TRPM1: variants seen among roughly 807,000 people sequenced by gnomAD.
The protein encoded by TRPM1 is TRPM1-203 APA Isoform, Intron 10.
TRPM1 carries 113 observed loss-of-function variants against 149.4 expected under a neutral mutation model. That is an observed-to-expected ratio of 0.76 (90% CI 0.65 to 0.88). The LOEUF (loss-of-function observed/expected upper bound fraction) is 0.88. TRPM1 is among the 40% of genes least tolerant of loss of function. The pLI, the probability that TRPM1 is intolerant of heterozygous loss-of-function variation, is 0.00. For synonymous variants in TRPM1, 741 were observed against 759.5 expected (o/e 0.98, Z 0.40); for missense variants, 1,976 against 2,038.7 (o/e 0.97, Z 0.59).
intron 1 of TRPM1, among the ~76,000 whole-genome samples, chr15:31,113,109 CT>C (rs2035717700): frequency 6.6e-6 from 1 of 152,138 alleles, no homozygotes; most frequent in South Asian, 2.1e-4. Flanking sequence ...GCTGTCTTGG[CT>C]TTAGGTAGCT....
rs778295878 is a variant in TRPM1 at position 31,068,035 on chromosome 15, C to T, written c.337G>A (p.Asp113Asn). The stretch of plus-strand genomic sequence containing the variant: ...AGCTTGGGGAGTTCCAGCTGCCAAT[C>T]TTTCACCATGAGATGGAGCAGTGAG... ...PDSLLHLMVK[D>N]WQLELPKLLI... The change falls in exon 5 of 28, where the codon GAT becomes AAT. Residue 113 changes from aspartate to asparagine, a missense_variant. Physicochemically the swap from Asp to Asn is conservative, Grantham distance 23. This residue lies in a region of TRPM1 where 1,332 missense variants were observed against 1,347.1 expected (regional missense o/e 0.99). Transcript: ENST00000256552. 6.2e-7 allele frequency: 1 copy of T among 1,614,088 alleles called. No individual in the cohort carries two copies. Among genetic ancestry groups the T allele is most frequent in the African/African-American group, 1.3e-5 (1 of 74,928 alleles).
chr15:31,071,963 C>CAAAAA (rs71790815), intron 3 of TRPM1, among the ~76,000 whole-genome samples: 1 of 30,328 alleles, frequency 3.3e-5, no homozygotes, highest in Non-Finnish European at 5.2e-5. Context: ...GACTCCGTCT[C>CAAAAA]AAAAAAAAAA....
In TRPM1 at chr15:31,050,416, A is replaced by G. The variant is rs1269713457; in HGVS notation, c.1430T>C (p.Leu477Pro). 1.2e-6 allele frequency: 2 copies of G among 1,614,006 alleles called. No individual in the cohort carries two copies. The highest frequency in any genetic ancestry group is 1.7e-5 in the Admixed American group (1 of 60,000). Residue 477 changes from leucine (L) to proline (P), a missense_variant, in exon 12 of 28, where the codon CTG becomes CCG. By Grantham distance (98) the Leu-to-Pro change is moderately conservative. This residue lies in a region of TRPM1 where 1,332 missense variants were observed against 1,347.1 expected (regional missense o/e 0.99). Transcript: ENST00000256552. Reference protein sequence around the residue: ...EETDPRKIELLNWVNALEQAM... With the variant: ...EETDPRKIELPNWVNALEQAM... ...CTGTGACCTTCCACATACCCAGTTCAGCAGCTCTATCTTCCGGGGGTCAGT... is the reference window on the plus strand; with the variant it reads ...CTGTGACCTTCCACATACCCAGTTCGGCAGCTCTATCTTCCGGGGGTCAGT...
intron 1 of TRPM1, among the ~76,000 whole-genome samples, chr15:31,150,500 G>A (rs1005137721): frequency 6.2e-5 from 9 of 145,542 alleles, no homozygotes; most frequent in East Asian, 2.0e-4. Context: ...GCAGTAGTGC[G>A]ATCTCAGCTC....
Position 31,040,027 on chromosome 15 carries a change from T to C in TRPM1, c.2316+91A>G. 1 of 1,151,790 alleles carries C rather than the reference T, an allele frequency of 8.7e-7. No individual in the cohort carries two copies. Among genetic ancestry groups the C allele is most frequent in the Non-Finnish European group, 1.3e-6 (1 of 770,874 alleles). The allele number at this position is 1,151,790 out of a possible 1,614,324, so 71.3% of individuals were successfully genotyped here. A position where few individuals can be genotyped will look rare whatever the true frequency, so the allele number is the denominator to read the frequency against. On this transcript the variant is annotated intron_variant, in intron 18 of 27. Transcript: ENST00000256552. The surrounding 1 kb of genome is among the most constrained non-coding windows in gnomAD (Gnocchi z 4.2). ...TCAGGGGGTTGCTAGAAGGAATAAA[T>C]GAAATAAGCCACAGAAAGTGCTCAG... is the stretch of plus-strand genomic sequence containing the variant.
intron 11 of TRPM1, among the ~76,000 whole-genome samples, chr15:31,058,452 C>T (rs2034142455): frequency 1.3e-5 from 2 of 152,188 alleles, no homozygotes; most frequent in South Asian, 4.1e-4. Context: ...CTTTGCGGTT[C>T]AGCAGTGAAC....
chr15:31,089,330 T>A (rs1005505843), intron 1 of TRPM1, among the ~76,000 whole-genome samples: 2 of 152,046 alleles, frequency 1.3e-5, no homozygotes, highest in Admixed American at 6.5e-5. Context: ...GGTTGTTAAC[T>A]TTTCCCACTT....
chr15:31,113,739 G>C (rs564147744), intron 1 of TRPM1, among the ~76,000 whole-genome samples: 4 of 152,178 alleles, frequency 2.6e-5, no homozygotes, highest in African/African-American at 7.2e-5. Flanking sequence ...CCGCCTTTAA[G>C]AATGAAGCAT....
intron 1 of TRPM1, among the ~76,000 whole-genome samples, chr15:31,093,595 GT>G (rs373482536): frequency 0.15 from 21,871 of 146,952 alleles, 1,853 homozygotes; most frequent in African/African-American, 0.24. Flanking sequence ...GAGCAATCTG[GT>G]TTTTTTTTTT....
At chr15:31,145,393 A>G (rs1291807715) in intron 1 of TRPM1, among the ~76,000 whole-genome samples, 1 of 152,192 alleles carries the variant, frequency 6.6e-6, no homozygotes, top group Non-Finnish European at 1.5e-5. Context: ...TTCACTTGGC[A>G]GGATAATGCT....
intron 1 of TRPM1, among the ~76,000 whole-genome samples, chr15:31,127,241 G>A (rs2035962711): frequency 6.6e-6 from 1 of 152,178 alleles, no homozygotes; most frequent in Admixed American, 6.5e-5. Flanking sequence ...AGGATGCCCA[G>A]TCAGTTTGTG....
chr15:31,097,417 T>A lies in TRPM1; in HGVS notation c.-84+4240A>T, dbSNP rs1370296643. On this transcript the variant is annotated intron_variant, in intron 1 of 27. Transcript: ENST00000256552. ...GCTTGGCTGAGTACTGGCTTGCCTC[T>A]CAGAGCAAAGGGTGCATGCCTGTCT... 3.3e-5 allele frequency among the ~76,000 whole-genome samples: 5 copies of A among 152,178 alleles called. No individual in the cohort carries two copies. The East Asian group carries it at 9.6e-4, about 29-fold the overall frequency.
At position 31,062,691 on chromosome 15, in the gene TRPM1, T is replaced by A; in HGVS notation, c.977A>T (p.Glu326Val). ...AACTAGAAGCTGCTCCCTGAGGGAC[T>A]CATTTATTATTCTGTTCAAAGAAAA... is the stretch of plus-strand genomic sequence containing the variant. ...KYCEEGGIIN[E>V]SLREQLLVTI... The change falls in exon 9 of 28, where the codon GAG becomes GTG. Residue 326 changes from glutamate (E) to valine (V), a missense_variant. This residue lies in a region of TRPM1 where 1,332 missense variants were observed against 1,347.1 expected (regional missense o/e 0.99). Coordinates refer to ENST00000256552, the MANE Select transcript of TRPM1 (RefSeq NM_001252024.2). The A allele has an allele frequency of 6.2e-7, 1 of 1,614,014 alleles. No homozygotes were observed. Among genetic ancestry groups the A allele is most frequent in the Non-Finnish European group, 8.5e-7 (1 of 1,179,992 alleles).
intron 2 of TRPM1, among the ~76,000 whole-genome samples, chr15:31,078,511 C>T (rs1336335654): frequency 1.3e-5 from 2 of 152,152 alleles, no homozygotes; most frequent in Non-Finnish European, 2.9e-5. Context: ...AAAGCAACAC[C>T]GTACACTTTT....
At chr15:31,051,987 CT>C (rs540955827) in intron 11 of TRPM1, among the ~76,000 whole-genome samples, 94 of 152,302 alleles carry the variant, frequency 6.2e-4, no homozygotes, top group Non-Finnish European at 1.1e-3. Context: ...TCATCTACCC[CT>C]ATGTGCAGCC....
At chr15:31,022,480 A>T (rs1046134233) in intron 27 of TRPM1, among the ~76,000 whole-genome samples, 2 of 151,962 alleles carry the variant, frequency 1.3e-5, no homozygotes, top group Admixed American at 1.3e-4. Flanking sequence ...ATAATAATAA[A>T]AAAGGAGTTG....
rs754554298 is a variant in TRPM1, at chr15:31,002,035, G to A, written c.4665C>T (p.Asn1555=). The change falls in exon 28 of 28, where the codon AAC becomes AAT. Residue 1555 remains asparagine, a synonymous_variant. Transcript: ENST00000256552. ...LTITDRNGME[N]LLSVKPDQTL... is the part of the protein sequence containing the mutation. Reference sequence around the variant, plus strand: ...TTTGATCTGGCTTCACAGACAGTAAGTTTTCCATCCCATTTCTGTCAGTAA... The same window carrying A: ...TTTGATCTGGCTTCACAGACAGTAAATTTTCCATCCCATTTCTGTCAGTAA... The A allele has an allele frequency of 4.3e-6, 7 of 1,614,100 alleles. No individual in the cohort carries two copies. In the Admixed American group the frequency reaches 1.2e-4, roughly 27 times the overall value.
intron 2 of TRPM1, 100 bp downstream of exon 2, chr15:31,081,253 G>T: frequency 1.4e-6 from 1 of 715,138 alleles, no homozygotes; most frequent in Non-Finnish European, 2.3e-6. Flanking sequence ...CTGCTTCACT[G>T]GAAATCCGTC....
At chr15:31,134,663 G>T (rs1282647233) in intron 1 of TRPM1, among the ~76,000 whole-genome samples, 1 of 152,090 alleles carries the variant, frequency 6.6e-6, no homozygotes, top group Non-Finnish European at 1.5e-5. Flanking sequence ...AGAAAAAGTT[G>T]GTATTTAAAC....
Sources: gnomAD v4.1 joint callset for allele counts (sites outside exome capture counted in the v4.1 genomes callset) on GRCh38, gnomAD v4.1.1 for gene constraint, gnomAD v4.1.1 regional missense constraint, Gnocchi (gnomAD v3.1) non-coding constraint, MANE v1.5 for transcripts, NCBI Gene and HGNC (gene_info 2026-07-23, HGNC 2026-07-21) for gene names.